Variants in REPS2 observed in about 807,000 individuals in gnomAD.
REPS2 encodes ralBP1-associated Eps domain-containing protein 2.
Under a neutral mutation model 53.6 loss-of-function variants are expected in REPS2, and 23 were observed. The observed-to-expected ratio is 0.43, with a 90% CI of 0.31 to 0.61. The LOEUF is 0.61. Ranked by LOEUF, REPS2 falls within the 20% of genes least tolerant of loss-of-function variation. The pLI, the probability that REPS2 is intolerant of heterozygous loss-of-function variation, is 0.11. For synonymous variants in REPS2, 238 were observed against 218.6 expected, an observed-to-expected ratio of 1.09 and a Z score of -0.78; for missense variants, 446 against 534.9, an observed-to-expected ratio of 0.83 and a Z score of 1.64.
At chrX:17,027,777 G>A (rs1403767543) in intron 4 of REPS2, among the ~76,000 whole-genome samples, 1 of 104,643 alleles carries the variant, frequency 9.6e-6, no homozygotes, top group African/African-American at 3.6e-5. Context: ...TGTATTGCAT[G>A]TTTGGGGTTT....
At position 17,149,185 on chromosome X, in the gene REPS2, G is replaced by C. The variant is rs142104096; in HGVS notation, c.*1704G>C. On this transcript the variant is annotated 3_prime_UTR_variant, in exon 18 of 18. Coordinates refer to ENST00000357277, the MANE Select transcript of REPS2 (RefSeq NM_004726.3). ...CATTTGCTGCCTTTTTTGTTTTTGT[G>C]GGGGAAGGGTTGGGAGTAAGTTTAA... The C allele has an allele frequency of 9.9e-3, 2,420 of 243,874 alleles. 56 individuals carry two copies. Among genetic ancestry groups the C allele is most frequent in the African/African-American group, 0.067 (2,281 of 34,202 alleles). The allele number at this position is 243,874 out of a possible 1,213,427, so 20.1% of individuals were successfully genotyped here. A position where few individuals can be genotyped will look rare whatever the true frequency, so the allele number is the denominator to read the frequency against.
intron 1 of REPS2, among the ~76,000 whole-genome samples, chrX:16,963,076 G>A (rs772641610): frequency 4.5e-5 from 5 of 111,447 alleles, no homozygotes; most frequent in Non-Finnish European, 7.5e-5. Context: ...TCCAGCCTGC[G>A]TGACAGAGTG....
chrX:17,107,893 A>G lies in REPS2; in HGVS notation c.1578+4114A>G, dbSNP rs1221495010. Among the ~76,000 whole-genome samples, 4 of 111,501 alleles carry G rather than the reference A, an allele frequency of 3.6e-5. No homozygotes were observed. The East Asian group carries it at 1.1e-3, about 32-fold the overall frequency. On this transcript the variant is annotated intron_variant, in intron 14 of 17. Transcript: ENST00000357277. ...AAGCAATTAAAGTAAACTATTTCAT[A>G]TAGAGCAGTGCATTCTTTTGTTTGT...
At chrX:16,959,622 C>G (rs980965487) in intron 1 of REPS2, among the ~76,000 whole-genome samples, 2 of 111,540 alleles carry the variant, frequency 1.8e-5, no homozygotes, top group East Asian at 5.6e-4. Flanking sequence ...TTTGCTTTTT[C>G]CTTCCCAGTA....
intron 1 of REPS2, among the ~76,000 whole-genome samples, chrX:16,949,784 A>T: frequency 9.0e-6 from 1 of 110,737 alleles, no homozygotes; most frequent in East Asian, 2.8e-4. Flanking sequence ...CAGAGTACCC[A>T]TATATCCCCT....
intron 1 of REPS2, among the ~76,000 whole-genome samples, chrX:16,970,733 G>A (rs767606485): frequency 3.6e-5 from 4 of 112,372 alleles, no homozygotes; most frequent in African/African-American, 9.7e-5. Flanking sequence ...CTATGGATTC[G>A]TCTATTCCAG....
chrX:17,033,457 A>G (rs181831013), intron 5 of REPS2, among the ~76,000 whole-genome samples: 1 of 111,741 alleles, frequency 8.9e-6, no homozygotes, highest in African/African-American at 3.3e-5. Flanking sequence ...TTCAGCTGAC[A>G]TGTCTTTCTC....
In REPS2 at chrX:17,146,989, A is replaced by G. The variant is rs746027363; in HGVS notation, c.1915-424A>G. Among the ~76,000 whole-genome samples the G allele has an allele frequency of 2.7e-5, 3 of 111,990 alleles. No individual in the cohort carries two copies. The South Asian group carries it at 1.1e-3, about 42-fold the overall frequency. On this transcript the variant is annotated intron_variant, in intron 17 of 17. Transcript: ENST00000357277. ...TTTTGGCCCTCAGACCTAACTGAGT[A>G]TGGTGCGGGATTACGAGCCAGAGAT...
At chrX:17,052,043 G>C (rs1239894053) in intron 6 of REPS2, among the ~76,000 whole-genome samples, 1 of 111,989 alleles carries the variant, frequency 8.9e-6, no homozygotes, top group Non-Finnish European at 1.9e-5. Flanking sequence ...TTTGAAATCT[G>C]CCAAATTTGT....
chrX:17,091,601 G>T (rs1214856652), intron 13 of REPS2, among the ~76,000 whole-genome samples: 1 of 112,060 alleles, frequency 8.9e-6, no homozygotes, highest in Non-Finnish European at 1.9e-5. Flanking sequence ...TTTAACTGGT[G>T]AAAAAGTATA....
chrX:17,040,816 CAAATT>C (rs2061820855), intron 5 of REPS2, among the ~76,000 whole-genome samples: 1 of 111,870 alleles, frequency 8.9e-6, no homozygotes, highest in African/African-American at 3.2e-5. Flanking sequence ...CATAGATAAT[CAAATT>C]AGAATGAGAA....
At chrX:17,131,158 A>G (rs1362180745) in intron 14 of REPS2, among the ~76,000 whole-genome samples, 1 of 111,217 alleles carries the variant, frequency 9.0e-6, no homozygotes, top group Non-Finnish European at 1.9e-5. Context: ...ACAGGGAGGG[A>G]AAAATGGGTG....
At chrX:17,086,646 C>T (rs1037748432) in intron 13 of REPS2, among the ~76,000 whole-genome samples, 2 of 111,730 alleles carry the variant, frequency 1.8e-5, no homozygotes, top group African/African-American at 3.3e-5. Context: ...TGCAAAATGG[C>T]GATACTCTAT....
intron 1 of REPS2, among the ~76,000 whole-genome samples, chrX:16,958,592 G>C (rs1299486262): frequency 8.9e-6 from 1 of 112,049 alleles, no homozygotes. Context: ...TCCCTCTACA[G>C]GAACAATAGT....
At chrX:17,107,646 G>A (rs1209782016) in intron 14 of REPS2, among the ~76,000 whole-genome samples, 2 of 111,761 alleles carry the variant, frequency 1.8e-5, no homozygotes, top group East Asian at 5.6e-4. Context: ...TACAAATGGG[G>A]CCCTGGAGTT....
intron 1 of REPS2, among the ~76,000 whole-genome samples, chrX:16,948,931 C>A (rs191546809): frequency 8.9e-6 from 1 of 111,932 alleles, no homozygotes; most frequent in African/African-American, 3.2e-5. Context: ...CATCATCCAC[C>A]TTTAATCCAA....
intron 2 of REPS2, among the ~76,000 whole-genome samples, chrX:17,009,199 C>T (rs1206283717): frequency 2.7e-5 from 3 of 112,159 alleles, no homozygotes. Flanking sequence ...CGCTCTGTCA[C>T]CCAGGCTGGA....
At chrX:17,066,730 G>T (rs770756187) in intron 9 of REPS2, among the ~76,000 whole-genome samples, 2 of 111,900 alleles carry the variant, frequency 1.8e-5, no homozygotes, top group Admixed American at 1.9e-4. Flanking sequence ...AAAATTAGCC[G>T]GGCGTGGTGG....
At chrX:16,978,347 A>C (rs911120023) in intron 1 of REPS2, among the ~76,000 whole-genome samples, 1 of 112,144 alleles carries the variant, frequency 8.9e-6, no homozygotes, top group Non-Finnish European at 1.9e-5. Context: ...GCATGAGCAC[A>C]GAAGACCTTT....
Sources: allele counts gnomAD v4.1 joint callset (sites outside exome capture counted in the v4.1 genomes callset), GRCh38; gene constraint gnomAD v4.1.1; transcripts MANE v1.5; gene names NCBI Gene and HGNC (gene_info 2026-07-23, HGNC 2026-07-21).